The following USP31 variants were observed in gnomAD, a reference collection of about 807,000 sequenced individuals.
USP31 encodes ubiquitin specific peptidase 31, also known as ubiquitin carboxyl-terminal hydrolase 31.
Under a neutral mutation model 119.4 loss-of-function variants are expected in USP31, and 44 were observed. That is an observed-to-expected ratio of 0.37 (90% CI 0.29 to 0.47). USP31 has a LOEUF of 0.47. Ranked by LOEUF, USP31 falls within the 20% of genes least tolerant of loss-of-function variation. The pLI is 0.99. For missense variants in USP31, 1,643 were observed against 1,730.2 expected (o/e 0.95, Z 0.89); for synonymous variants, 749 against 705.6 (o/e 1.06, Z -0.97).
intron 7 of USP31, among the ~76,000 whole-genome samples, chr16:23,089,902 A>ATTCAACTTGGGACATAAGACATAAG (rs1901276394): frequency 6.6e-6 from 1 of 152,216 alleles, no homozygotes; most frequent in East Asian, 1.9e-4. Flanking sequence ...ACATACTTCA[A>ATTCAACTTGGGACATAAGACATAAG]TTCAACTTGG....
intron 1 of USP31, among the ~76,000 whole-genome samples, chr16:23,140,363 A>G (rs1251137011): frequency 6.6e-6 from 1 of 152,068 alleles, no homozygotes; most frequent in Non-Finnish European, 1.5e-5. Context: ...GAGTACAACC[A>G]CATCTAGTGG....
intron 1 of USP31, among the ~76,000 whole-genome samples, chr16:23,144,916 A>G (rs1903462364): frequency 6.6e-6 from 1 of 152,218 alleles, no homozygotes; most frequent in Admixed American, 6.5e-5. Flanking sequence ...ATCTAATTAT[A>G]TCACTTCCTT....
intron 1 of USP31, among the ~76,000 whole-genome samples, chr16:23,147,431 A>G (rs1392379549): frequency 6.6e-6 from 1 of 152,138 alleles, no homozygotes; most frequent in Non-Finnish European, 1.5e-5. Context: ...GTTTAATACC[A>G]TATTCATGTC....
At chr16:23,102,559 C>G in intron 5 of USP31, 96 bp from the exon 6 acceptor site, 1 of 1,397,934 alleles carries the variant, frequency 7.2e-7, no homozygotes, top group Non-Finnish European at 9.6e-7. Flanking sequence ...TCAGGACTGG[C>G]AGTGGTCTGA....
Position 23,148,665 on chromosome 16 carries a change from G to C in USP31, c.606C>G (p.Tyr202Ter). The C allele has an allele frequency of 6.7e-7, 1 of 1,497,516 alleles. No individual in the cohort carries two copies. Among genetic ancestry groups the C allele is most frequent in the Non-Finnish European group, 8.9e-7 (1 of 1,127,136 alleles). 92.8% of individuals were successfully genotyped at this position (1,497,516 alleles called of 1,614,324 possible). A position where few individuals can be genotyped will look rare whatever the true frequency, so the allele number is the denominator to read the frequency against. ...HLVRALWTLE[Y>*]TPQHSRDFKT... ...TGAAGTCGCGGCTGTGCTGCGGGGT[G>C]TACTCCAGGGTCCAGAGGGCCCGCA... The change falls in exon 1 of 16, where the codon TAC becomes TAG. Residue 202 changes from tyrosine (Y) to a stop codon, truncating the protein, a stop_gained. Coordinates refer to ENST00000219689, the MANE Select transcript of USP31 (RefSeq NM_020718.4). LOFTEE classifies it high-confidence loss of function.
chr16:23,148,582 G>A (rs1903600410), intron 1 of USP31, 56 bp downstream of exon 1: 4 of 1,407,364 alleles, frequency 2.8e-6, no homozygotes, highest in East Asian at 3.0e-5. Flanking sequence ...GACCTGGGCG[G>A]GCAGGTGCCC....
intron 1 of USP31, among the ~76,000 whole-genome samples, chr16:23,120,917 C>T (rs1902645298): frequency 6.6e-6 from 1 of 152,140 alleles, no homozygotes; most frequent in South Asian, 2.1e-4. Context: ...CTTCTATAAA[C>T]ACACACAGAT....
At chr16:23,094,830 A>G (rs1901531152) in intron 6 of USP31, among the ~76,000 whole-genome samples, 1 of 152,220 alleles carries the variant, frequency 6.6e-6, no homozygotes. Context: ...AATGACATCT[A>G]CACCAAAACC....
intron 11 of USP31, among the ~76,000 whole-genome samples, chr16:23,083,813 T>C (rs1900961854): frequency 6.7e-6 from 1 of 150,296 alleles, no homozygotes; most frequent in Non-Finnish European, 1.5e-5. Context: ...ATACAAAAGC[T>C]ATTTTCAAAT....
At chr16:23,140,563 C>G (rs944761165) in intron 1 of USP31, among the ~76,000 whole-genome samples, 1 of 152,204 alleles carries the variant, frequency 6.6e-6, no homozygotes, top group Non-Finnish European at 1.5e-5. Context: ...AGAATGTCGT[C>G]TCTCTTCCCC....
chr16:23,064,440 G>A lies in USP31; in HGVS notation c.*3606C>T, dbSNP rs952949778. The A allele has an allele frequency of 2.0e-5, 3 of 152,130 alleles. No homozygotes were observed. The highest frequency in any genetic ancestry group is 7.2e-5 in the African/African-American group (3 of 41,418). The allele number at this position is 152,130 out of a possible 1,614,324, so 9.4% of individuals were successfully genotyped here. On this transcript the variant is annotated 3_prime_UTR_variant, in exon 16 of 16. Coordinates refer to ENST00000219689, the MANE Select transcript of USP31 (RefSeq NM_020718.4). ...ATAGTTATTTTAAGGGAATGACAATGTTCCCCTCAAATCCCACATCCGTCT... is the reference window on the plus strand; with the variant it reads ...ATAGTTATTTTAAGGGAATGACAATATTCCCCTCAAATCCCACATCCGTCT...
rs889322190 is a variant in USP31 at position 23,062,070 on chromosome 16, T to C, written c.*5976A>G. On this transcript the variant is annotated 3_prime_UTR_variant, in exon 16 of 16. Transcript: ENST00000219689. ...ACGACTGCAACAGATATCATTATTC[T>C]GGATGGCCTTTCTAAAGAAACATTT... is the stretch of plus-strand genomic sequence containing the variant. The C allele has an allele frequency of 8.5e-5, 13 of 152,808 alleles. No individual in the cohort carries two copies. The highest frequency in any genetic ancestry group is 4.1e-4 in the South Asian group (2 of 4,826). The allele number at this position is 152,808 out of a possible 1,614,324, so 9.5% of individuals were successfully genotyped here.
intron 1 of USP31, among the ~76,000 whole-genome samples, chr16:23,113,191 C>T (rs531032179): frequency 6.6e-5 from 10 of 151,998 alleles, no homozygotes; most frequent in African/African-American, 2.2e-4. Flanking sequence ...AGATAATGAA[C>T]CAGGAATAGA....
Position 23,067,907 on chromosome 16 carries a change from A to C in USP31, c.*139T>G. 9.5e-7 allele frequency: 1 copy of C among 1,048,136 alleles called. No homozygotes were observed. The highest frequency in any genetic ancestry group is 1.3e-6 in the Non-Finnish European group (1 of 743,856). 64.9% of individuals were successfully genotyped at this position (1,048,136 alleles called of 1,614,324 possible). ...GCAATTGAATTAGACACACACACGC[A>C]TACACTCACACACACACACACAGTC... On this transcript the variant is annotated 3_prime_UTR_variant, in exon 16 of 16. Coordinates refer to ENST00000219689, the MANE Select transcript of USP31 (RefSeq NM_020718.4).
chr16:23,087,681 G>GTA, intron 8 of USP31, 43 bp downstream of exon 8: 1 of 1,527,354 alleles, frequency 6.5e-7, no homozygotes, highest in South Asian at 1.1e-5. Context: ...TCTTCACTGA[G>GTA]TATATACCCA....
At chr16:23,080,624 C>A (rs1315585636) in intron 12 of USP31, among the ~76,000 whole-genome samples, 7 of 152,266 alleles carry the variant, frequency 4.6e-5, no homozygotes, top group African/African-American at 1.7e-4. Context: ...AGGCACATCA[C>A]AAGGCAACAC....
At chr16:23,073,670 T>C (rs1297121006) in intron 14 of USP31, 52 bp downstream of exon 14, 2 of 1,595,166 alleles carry the variant, frequency 1.3e-6, no homozygotes, top group Non-Finnish European at 1.7e-6. Flanking sequence ...AGACCATTCA[T>C]TACAATCTTT....
In USP31 at chr16:23,080,654, C is replaced by T. The variant is rs191973158; in HGVS notation, c.1951-483G>A. ...CAACACTGTCTTAGCTTAATATATCCACTCAGTGGCAATCTTTAGTAATCT... is the reference window on the plus strand; with the variant it reads ...CAACACTGTCTTAGCTTAATATATCTACTCAGTGGCAATCTTTAGTAATCT... On this transcript the variant is annotated intron_variant, in intron 12 of 15. Transcript: ENST00000219689. Among the ~76,000 whole-genome samples the T allele has an allele frequency of 4.7e-3, 720 of 152,304 alleles. 4 individuals carry two copies. Among genetic ancestry groups the T allele is most frequent in the Middle Eastern group, 0.014 (4 of 294 alleles).
chr16:23,070,800 TTTC>T (rs1438480178), intron 15 of USP31, among the ~76,000 whole-genome samples: 1 of 152,140 alleles, frequency 6.6e-6, no homozygotes, highest in Non-Finnish European at 1.5e-5. Flanking sequence ...TAAATTAAAT[TTTC>T]TACACAATGA....
Sources: allele counts gnomAD v4.1 joint callset (sites outside exome capture counted in the v4.1 genomes callset), GRCh38; gene constraint gnomAD v4.1.1; transcripts MANE v1.5; gene names NCBI Gene and HGNC (gene_info 2026-07-23, HGNC 2026-07-21).